Variants in CC2D2B observed in about 807,000 individuals in gnomAD.
The protein encoded by CC2D2B is protein CC2D2B.
Under a neutral mutation model 161.2 loss-of-function variants are expected in CC2D2B, and 128 were observed. The ratio of observed to expected loss-of-function variants is 0.79; its 90% CI spans 0.69 to 0.92. The LOEUF is 0.92. Among genes scored for constraint, CC2D2B ranks in the 40% least tolerant of loss-of-function variants. The pLI, the probability that CC2D2B is intolerant of heterozygous loss-of-function variation, is 0.00. For synonymous variants in CC2D2B, 391 were observed against 449.8 expected (o/e 0.87, Z 1.65); for missense variants, 1,173 against 1,375.1 (o/e 0.85, Z 2.32).
chr10:95,941,102 T>G (rs2076007412), intron 9 of CC2D2B, among the ~76,000 whole-genome samples: 1 of 152,174 alleles, frequency 6.6e-6, no homozygotes, highest in Non-Finnish European at 1.5e-5. Context: ...AAGGATAGTC[T>G]CTTCAACAAA....
rs1334231055 is a variant in CC2D2B, at chr10:96,032,808, A to C, written c.*800A>C. 1 of 470,254 alleles carries C rather than the reference A, an allele frequency of 2.1e-6. No homozygotes were observed. The highest frequency in any genetic ancestry group is 4.4e-6 in the Non-Finnish European group (1 of 226,744). 29.1% of individuals were successfully genotyped at this position (470,254 alleles called of 1,614,324 possible). A position where few individuals can be genotyped will look rare whatever the true frequency, so the allele number is the denominator to read the frequency against. ...CTAATTTCTCCCAATTCTGTGAGGG[A>C]GGAAATGGTCTTGACAAATCTCAGG... is the stretch of plus-strand genomic sequence containing the variant. On this transcript the variant is annotated 3_prime_UTR_variant, in exon 35 of 35. Transcript: ENST00000646931.
At chr10:95,960,675 G>T (rs1261974555) in intron 11 of CC2D2B, among the ~76,000 whole-genome samples, 2 of 151,966 alleles carry the variant, frequency 1.3e-5, no homozygotes, top group African/African-American at 2.4e-5. Flanking sequence ...ATCATGCTTG[G>T]CTAGTTTTTG....
At chr10:95,924,960 C>T (rs2098535741) in intron 5 of CC2D2B, 116 bp downstream of exon 5, 1 of 615,704 alleles carries the variant, frequency 1.6e-6, no homozygotes, top group African/African-American at 1.8e-5. Flanking sequence ...AGTTAATTTA[C>T]AGAATTGTTC....
chr10:96,012,620 C>A lies in CC2D2B; in HGVS notation c.3317C>A (p.Thr1106Asn). 2 of 1,611,860 alleles carry A rather than the reference C, an allele frequency of 1.2e-6. No individual in the cohort carries two copies. Among genetic ancestry groups the A allele is most frequent in the South Asian group, 2.2e-5 (2 of 91,006 alleles). ...TTTCCCAACCGAAGAATCGTAACTA[C>A]TGTTTTTAATGATGAAGGGATACAG... ...AMFPNRRIVTTVFNDEGIQFL... is the reference protein window; with the variant it reads ...AMFPNRRIVTNVFNDEGIQFL... The change falls in exon 28 of 35, where the codon ACT becomes AAT. Residue 1106 changes from threonine to asparagine, a missense_variant. By Grantham distance (65) the Thr-to-Asn change is moderately conservative (BLOSUM62 0). This residue lies in a region of CC2D2B where 598 missense variants were observed against 693.2 expected (regional missense o/e 0.86). Coordinates refer to ENST00000646931, the MANE Select transcript of CC2D2B (RefSeq NM_001349008.3).
Position 95,915,298 on chromosome 10 carries a change from AT to A in CC2D2B, c.36+3948del, listed in dbSNP as rs35289873. On this transcript the variant is annotated intron_variant, in intron 2 of 34. Transcript: ENST00000646931. Reference sequence around the variant, plus strand: ...TTGCTGAATTTGTTCATCATTTCTAATTTTTTTTTGTGAAGTCTTTATGTTT... The same window carrying A: ...TTGCTGAATTTGTTCATCATTTCTAATTTTTTTTGTGAAGTCTTTATGTTT... 1.4e-3 allele frequency among the ~76,000 whole-genome samples: 214 copies of A among 151,744 alleles called. 3 individuals carry two copies. The highest frequency in any genetic ancestry group is 4.5e-3 in the African/African-American group (187 of 41,414).
intron 2 of CC2D2B, among the ~76,000 whole-genome samples, chr10:95,917,467 GTCCA>G (rs1566308626): frequency 6.6e-6 from 1 of 151,300 alleles, no homozygotes; most frequent in Non-Finnish European, 1.5e-5. Context: ...CCATCCGTCC[GTCCA>G]TCCGTCCGTC....
chr10:95,920,502 G>A (rs2098524822), intron 2 of CC2D2B: 1 of 152,012 alleles, frequency 6.6e-6, no homozygotes, highest in Non-Finnish European at 1.5e-5. Flanking sequence ...AACACCTGGG[G>A]ATTACAATTC....
chr10:95,957,541 C>G (rs2076607006), intron 11 of CC2D2B, among the ~76,000 whole-genome samples: 2 of 148,868 alleles, frequency 1.3e-5, no homozygotes, highest in Admixed American at 1.4e-4. Context: ...GGCACAGAGA[C>G]AGCTGACAAT....
At chr10:95,908,963 C>A (rs2098501239) in intron 1 of CC2D2B, among the ~76,000 whole-genome samples, 1 of 151,966 alleles carries the variant, frequency 6.6e-6, no homozygotes, top group Admixed American at 6.6e-5. Flanking sequence ...TTTTCATGTA[C>A]CAGAAGTCCC....
At chr10:95,933,514 A>G (rs1380981887) in intron 6 of CC2D2B, among the ~76,000 whole-genome samples, 3 of 151,744 alleles carry the variant, frequency 2.0e-5, no homozygotes, top group African/African-American at 7.3e-5. Context: ...CCTCATCTTC[A>G]TGGATTTATT....
chr10:95,962,817 C>T lies in CC2D2B; in HGVS notation c.1250+848C>T, dbSNP rs951255816. On this transcript the variant is annotated intron_variant, in intron 12 of 34. Coordinates refer to ENST00000646931, the MANE Select transcript of CC2D2B (RefSeq NM_001349008.3). ...GCTCTGGACGGTTTCTAAACCTAAACCCAGCATTGAACTTTATCTTAGACT... is the reference window on the plus strand; with the variant it reads ...GCTCTGGACGGTTTCTAAACCTAAATCCAGCATTGAACTTTATCTTAGACT... Among the ~76,000 whole-genome samples, 5 of 143,626 alleles carry T rather than the reference C, an allele frequency of 3.5e-5. No homozygotes were observed. The South Asian group carries it at 1.2e-3, about 36-fold the overall frequency. 94.2% of individuals were successfully genotyped at this position (143,626 alleles called of 152,430 possible).
rs56195141 is a variant in CC2D2B at position 96,029,241 on chromosome 10, CATATATATATATATATATATATATAT to C, written c.4125+1871_4125+1896del. 1.7e-3 allele frequency among the ~76,000 whole-genome samples: 112 copies of C among 67,174 alleles called. 4 individuals carry two copies. The highest frequency in any genetic ancestry group is 1.7e-3 in the Non-Finnish European group (48 of 28,162). 44.1% of individuals were successfully genotyped at this position (67,174 alleles called of 152,430 possible). A position where few individuals can be genotyped will look rare whatever the true frequency, so the allele number is the denominator to read the frequency against. On this transcript the variant is annotated intron_variant, in intron 34 of 34. Coordinates refer to ENST00000646931, the MANE Select transcript of CC2D2B (RefSeq NM_001349008.3). ...CATATCAAAATATCTTTTCATGTAC[CATATATATATATATATATATATATAT>C]ATATATATATATATATATGTATATA...
intron 10 of CC2D2B, among the ~76,000 whole-genome samples, chr10:95,953,738 C>T (rs2076482434): frequency 2.0e-5 from 3 of 152,040 alleles, no homozygotes; most frequent in African/African-American, 7.2e-5. Context: ...TTTGGTGTCT[C>T]GATGATATTA....
chr10:95,925,241 C>T (rs1386792329), intron 5 of CC2D2B, among the ~76,000 whole-genome samples: 11 of 152,014 alleles, frequency 7.2e-5, no homozygotes, highest in African/African-American at 1.2e-4. Flanking sequence ...ACGGTGCATG[C>T]GGAAGCAAGG....
Position 95,983,710 on chromosome 10 carries a change from T to C in CC2D2B, c.2187T>C (p.Arg729=). ...AAGAGGAAATGGCAAAGAGTAAACG[T>C]TTCCAGCTATTGCAACTTAGAAATG... ...VSEEEMAKSK[R]FQLLQLRNAG... is the part of the protein sequence containing the mutation. Residue 729 remains arginine, a synonymous_variant, in exon 19 of 35, where the codon CGT becomes CGC. Coordinates refer to ENST00000646931, the MANE Select transcript of CC2D2B (RefSeq NM_001349008.3). 8.1e-7 allele frequency: 1 copy of C among 1,230,708 alleles called. No individual in the cohort carries two copies. Among genetic ancestry groups the C allele is most frequent in the Non-Finnish European group, 1.0e-6 (1 of 986,756 alleles). 76.2% of individuals were successfully genotyped at this position (1,230,708 alleles called of 1,614,324 possible). A position where few individuals can be genotyped will look rare whatever the true frequency, so the allele number is the denominator to read the frequency against.
intron 34 of CC2D2B, among the ~76,000 whole-genome samples, chr10:96,027,839 C>G (rs571001262): frequency 6.6e-6 from 1 of 152,094 alleles, no homozygotes; most frequent in South Asian, 2.1e-4. Flanking sequence ...ATCCACACAC[C>G]TAAGTGAACT....
intron 11 of CC2D2B, among the ~76,000 whole-genome samples, chr10:95,960,582 G>A (rs1198726489): frequency 1.3e-5 from 2 of 151,894 alleles, no homozygotes; most frequent in African/African-American, 2.4e-5. Flanking sequence ...GCACAATCAC[G>A]GCTCACTGCA....
Position 95,995,276 on chromosome 10 carries a change from G to A in CC2D2B, c.2650G>A (p.Asp884Asn). ...CTATTGTTTTTCCTGAAGATCCTTG[G>A]ATATGCCTACTTGTTTGAAATCATC... ...TRKTTINGSL[D>N]MPTCLKSSIS... Residue 884 changes from aspartate to asparagine, a missense_variant, in exon 23 of 35, where the codon GAT becomes AAT. Transcript: ENST00000646931. The A allele has an allele frequency of 2.6e-6, 4 of 1,517,394 alleles. No individual in the cohort carries two copies. Among genetic ancestry groups the A allele is most frequent in the Non-Finnish European group, 3.5e-6 (4 of 1,136,380 alleles). 94.0% of individuals were successfully genotyped at this position (1,517,394 alleles called of 1,614,324 possible). A position where few individuals can be genotyped will look rare whatever the true frequency, so the allele number is the denominator to read the frequency against.
intron 34 of CC2D2B, among the ~76,000 whole-genome samples, chr10:96,031,208 G>T (rs2080053355): frequency 6.6e-6 from 1 of 152,108 alleles, no homozygotes; most frequent in East Asian, 1.9e-4. Flanking sequence ...CCAGAAAACA[G>T]GTAATTGCAA....
Sources: allele counts gnomAD v4.1 joint callset (sites outside exome capture counted in the v4.1 genomes callset), GRCh38; gene constraint gnomAD v4.1.1; regional missense constraint gnomAD v4.1.1; transcripts MANE v1.5; gene names NCBI Gene and HGNC (gene_info 2026-07-23, HGNC 2026-07-21).